The following ABCA1 variants were observed in gnomAD, a reference collection of about 807,000 sequenced individuals.
The protein encoded by ABCA1 is phospholipid-transporting ATPase ABCA1.
In ABCA1, 133 loss-of-function variants were observed where a neutral mutation model predicts 262.5. That is an observed-to-expected ratio of 0.51 (90% CI 0.44 to 0.59). The LOEUF is 0.59. ABCA1 is among the 20% of genes least tolerant of loss of function. ABCA1 has a pLI of 0.00. For missense variants in ABCA1, 2,452 were observed against 2,777.5 expected, an observed-to-expected ratio of 0.88 and a Z score of 2.63; for synonymous variants, 1,022 against 1,043.5, an observed-to-expected ratio of 0.98 and a Z score of 0.40.
chr9:104,804,760 A>G, intron 31 of ABCA1, 40 bp from the exon 32 acceptor site: 1 of 1,534,132 alleles, frequency 6.5e-7, no homozygotes, highest in Non-Finnish European at 9.0e-7. Context: ...GTCTTTATAG[A>G]CAAGAATTGA....
At chr9:104,853,039 T>C (rs1243898904) in intron 7 of ABCA1, among the ~76,000 whole-genome samples, 1 of 152,168 alleles carries the variant, frequency 6.6e-6, no homozygotes, top group East Asian at 1.9e-4. Context: ...TCCTTATCCA[T>C]CTGCTTCTTC....
intron 7 of ABCA1, among the ~76,000 whole-genome samples, chr9:104,850,833 A>C (rs1243775851): frequency 6.6e-6 from 1 of 152,242 alleles, no homozygotes; most frequent in African/African-American, 2.4e-5. Flanking sequence ...CTATGAACTC[A>C]CATAGGTCTC....
At chr9:104,926,970 G>C (rs1826399248) in intron 1 of ABCA1, among the ~76,000 whole-genome samples, 1 of 151,808 alleles carries the variant, frequency 6.6e-6, no homozygotes, top group South Asian at 2.1e-4. Flanking sequence ...CCAGCACTTG[G>C]GGAGGCCGAG....
At chr9:104,878,241 G>C (rs948796399) in intron 5 of ABCA1, among the ~76,000 whole-genome samples, 13 of 152,186 alleles carry the variant, frequency 8.5e-5, no homozygotes, top group African/African-American at 2.9e-4. Flanking sequence ...AATTAATTTA[G>C]CCACCACACC....
intron 7 of ABCA1, among the ~76,000 whole-genome samples, chr9:104,849,464 A>G (rs1835190369): frequency 6.6e-6 from 1 of 152,224 alleles, no homozygotes; most frequent in African/African-American, 2.4e-5. Context: ...AGAACAGTCA[A>G]TGCCATTGTT....
intron 1 of ABCA1, among the ~76,000 whole-genome samples, chr9:104,919,060 T>C (rs951503576): frequency 6.6e-6 from 1 of 152,204 alleles, no homozygotes; most frequent in Non-Finnish European, 1.5e-5. Flanking sequence ...TTCCTTTTAC[T>C]CCTTCTTCTT....
chr9:104,855,007 A>G (rs1312008603), intron 7 of ABCA1: 1 of 361,424 alleles, frequency 2.8e-6, no homozygotes, highest in African/African-American at 2.2e-5. Context: ...AGGGAACTTT[A>G]AAAACACAAC....
chr9:104,890,607 G>T (rs534191463), intron 2 of ABCA1, among the ~76,000 whole-genome samples: 1 of 151,530 alleles, frequency 6.6e-6, no homozygotes, highest in African/African-American at 2.4e-5. Context: ...AAAAAGCAAA[G>T]ATTTTTTTTT....
chr9:104,789,881 G>A (rs1049095482), intron 44 of ABCA1, among the ~76,000 whole-genome samples: 2 of 152,122 alleles, frequency 1.3e-5, no homozygotes, highest in Non-Finnish European at 2.9e-5. Flanking sequence ...ATCACCTGAG[G>A]TCAGGAGCTC....
At chr9:104,896,210 T>A (rs1432300893) in intron 2 of ABCA1, among the ~76,000 whole-genome samples, 1 of 152,186 alleles carries the variant, frequency 6.6e-6, no homozygotes, top group African/African-American at 2.4e-5. Context: ...ATAGCATTGC[T>A]ATTAGTCTCT....
At chr9:104,813,678 G>A (rs999264794) in intron 27 of ABCA1, among the ~76,000 whole-genome samples, 16 of 152,292 alleles carry the variant, frequency 1.1e-4, no homozygotes, top group African/African-American at 9.6e-5. Flanking sequence ...CTCTCAAAGC[G>A]CTGGGATTAC....
At position 104,927,213 on chromosome 9, in the gene ABCA1, A is replaced by G. The variant is rs1826417399; in HGVS notation, c.-93+722T>C. Reference sequence around the variant, plus strand: ...CGACAGACCGAGACTTAAAGGAAAGAAAAAAAAGAAAAAGAAAAGGAAACA... The same window carrying G: ...CGACAGACCGAGACTTAAAGGAAAGGAAAAAAAGAAAAAGAAAAGGAAACA... On this transcript the variant is annotated intron_variant, in intron 1 of 49. Coordinates refer to ENST00000374736, the MANE Select transcript of ABCA1 (RefSeq NM_005502.4). 9.5e-5 allele frequency among the ~76,000 whole-genome samples: 9 copies of G among 94,380 alleles called. No homozygotes were observed. In the Admixed American group the frequency reaches 1.0e-3, roughly 11 times the overall value. 61.9% of individuals were successfully genotyped at this position (94,380 alleles called of 152,430 possible).
chr9:104,845,800 C>T (rs903010184), intron 7 of ABCA1, among the ~76,000 whole-genome samples: 2 of 152,184 alleles, frequency 1.3e-5, no homozygotes, highest in Non-Finnish European at 2.9e-5. Context: ...GAATATTGTA[C>T]TTAAAACTAG....
At chr9:104,919,957 C>T (rs922600529) in intron 1 of ABCA1, among the ~76,000 whole-genome samples, 12 of 152,302 alleles carry the variant, frequency 7.9e-5, no homozygotes, top group East Asian at 1.9e-4. Context: ...TCAAAATCCA[C>T]ATGGTATGTT....
At chr9:104,788,125 GT>G in intron 45 of ABCA1, 71 bp from the exon 46 acceptor site, 3 of 1,490,818 alleles carry the variant, frequency 2.0e-6, no homozygotes, top group Non-Finnish European at 2.8e-6. Context: ...ACACATACAT[GT>G]ATGAAAGTTC....
At chr9:104,833,553 G>A (rs1208017544) in intron 11 of ABCA1, among the ~76,000 whole-genome samples, 3 of 152,094 alleles carry the variant, frequency 2.0e-5, no homozygotes, top group African/African-American at 4.8e-5. Flanking sequence ...CTAAGATTGG[G>A]TCACACAGCT....
chr9:104,787,110 A>G (rs887823763), intron 46 of ABCA1, 134 bp from the exon 47 acceptor site: 10 of 687,478 alleles, frequency 1.5e-5, no homozygotes, highest in South Asian at 2.2e-5. Flanking sequence ...TTGATGAATC[A>G]AAGAATTAGA....
At chr9:104,807,241 G>T (rs1442892418) in intron 30 of ABCA1, among the ~76,000 whole-genome samples, 2 of 152,132 alleles carry the variant, frequency 1.3e-5, no homozygotes, top group East Asian at 3.9e-4. Flanking sequence ...AATGAGTAGA[G>T]AATTGGGGGA....
intron 9 of ABCA1, 60 bp from the exon 10 acceptor site, chr9:104,837,627 C>A: frequency 6.2e-7 from 1 of 1,600,132 alleles, no homozygotes; most frequent in Non-Finnish European, 8.5e-7. Context: ...TAGAAACTTA[C>A]AAGGGCTTTG....
Sources: allele counts gnomAD v4.1 joint callset (sites outside exome capture counted in the v4.1 genomes callset), GRCh38; gene constraint gnomAD v4.1.1; transcripts MANE v1.5; gene names NCBI Gene and HGNC (gene_info 2026-07-23, HGNC 2026-07-21).